The following GPHN variants were observed in gnomAD, a reference collection of about 807,000 sequenced individuals.
GPHN encodes the protein gephyrin.
In GPHN, 17 loss-of-function variants were observed where a neutral mutation model predicts 95.5. The ratio of observed to expected loss-of-function variants is 0.18; its 90% CI spans 0.12 to 0.27. The LOEUF is 0.27. Among genes scored for constraint, GPHN ranks in the 10% least tolerant of loss-of-function variants. The probability of loss-of-function intolerance (pLI) is 1.00; values close to 1 mark genes in which losing one functional copy is unlikely to be tolerated. For synonymous variants in GPHN, 320 were observed against 322.5 expected (o/e 0.99, Z 0.08); for missense variants, 660 against 978.1 (o/e 0.67, Z 4.34).
chr14:67,377,026 C>G, the GPHN span, among the ~76,000 whole-genome samples: 2 of 152,200 alleles, frequency 1.3e-5, no homozygotes, highest in African/African-American at 4.8e-5. Context: ...TCTTTTGCCC[C>G]TGCCTCCTAT....
At chr14:67,281,939 G>A in the GPHN span, among the ~76,000 whole-genome samples, 19 of 151,968 alleles carry the variant, frequency 1.3e-4, no homozygotes, top group Admixed American at 6.6e-5. Context: ...CCTATGTGTG[G>A]TCCTTGAATT....
rs371629259 is a variant in GPHN, at chr14:66,723,986, T to TACACAC, written c.143+42831_143+42836dup. Among the ~76,000 whole-genome samples the TACACAC allele has an allele frequency of 2.9e-3, 369 of 127,940 alleles. 1 individual carries two copies. The highest frequency in any genetic ancestry group is 9.8e-3 in the South Asian group (42 of 4,288). 83.9% of individuals were successfully genotyped at this position (127,940 alleles called of 152,430 possible). A position where few individuals can be genotyped will look rare whatever the true frequency, so the allele number is the denominator to read the frequency against. ...ATCACAAATCTATGTCATGCATACA[T>TACACAC]ACACACACACACACACACACACACA... On this transcript the variant is annotated intron_variant, in intron 2 of 22. Coordinates refer to ENST00000478722, the MANE Select transcript of GPHN (RefSeq NM_020806.5).
At chr14:66,988,609 C>G (rs867295101) in intron 9 of GPHN, among the ~76,000 whole-genome samples, 1 of 151,990 alleles carries the variant, frequency 6.6e-6, no homozygotes, top group African/African-American at 2.4e-5. Context: ...AACACCTTCA[C>G]GTAGCATCTT....
the GPHN span, among the ~76,000 whole-genome samples, chr14:67,680,193 G>C: frequency 2.0e-5 from 3 of 152,134 alleles, no homozygotes; most frequent in Non-Finnish European, 4.4e-5. Context: ...TCAAAATATC[G>C]TCACGTTTAC....
chr14:66,642,509 T>C (rs1463698422), intron 1 of GPHN, among the ~76,000 whole-genome samples: 10 of 151,792 alleles, frequency 6.6e-5, no homozygotes, highest in Non-Finnish European at 1.2e-4. Context: ...AAGTAGAATC[T>C]TTACTGAGCC....
At chr14:67,346,564 C>T in the GPHN span, among the ~76,000 whole-genome samples, 9 of 152,240 alleles carry the variant, frequency 5.9e-5, no homozygotes, top group Non-Finnish European at 1.2e-4. Context: ...ATCCACCTGC[C>T]TCAGCCTCCC....
At chr14:67,115,975 T>C (rs1003998277) in intron 16 of GPHN, among the ~76,000 whole-genome samples, 3 of 152,224 alleles carry the variant, frequency 2.0e-5, no homozygotes, top group African/African-American at 7.2e-5. Flanking sequence ...AGCTGATTTC[T>C]GTATTCGTTG....
the GPHN span, chr14:67,320,208 G>A: frequency 1.9e-6 from 3 of 1,599,116 alleles, no homozygotes; most frequent in South Asian, 2.3e-5. Flanking sequence ...TGTTTGAAGA[G>A]CTTAACTTTT....
At chr14:67,508,082 G>C in the GPHN span, among the ~76,000 whole-genome samples, 1 of 148,958 alleles carries the variant, frequency 6.7e-6, no homozygotes, top group East Asian at 2.0e-4. Flanking sequence ...AGTTTGCTGT[G>C]AGCCGAAGTC....
chr14:67,645,711 C>G, the GPHN span: 1 of 1,613,948 alleles, frequency 6.2e-7, no homozygotes, highest in East Asian at 2.2e-5. Flanking sequence ...TGGGTTGATG[C>G]CCATGCTGAC....
the GPHN span, chr14:67,614,845 G>GTTTTTTTTTTTTTTTTTTTT: frequency 6.8e-6 from 1 of 146,058 alleles, no homozygotes; most frequent in African/African-American, 2.5e-5. Flanking sequence ...TGTCCTTGAG[G>GTTTTTTTTTTTTTTTTTTTT]TTTTTTTTTT....
At chr14:67,555,314 C>T in the GPHN span, among the ~76,000 whole-genome samples, 1 of 152,192 alleles carries the variant, frequency 6.6e-6, no homozygotes, top group African/African-American at 2.4e-5. Flanking sequence ...GCCCTGAAGC[C>T]CTTACAGGCA....
intron 8 of GPHN, among the ~76,000 whole-genome samples, chr14:66,940,015 G>A (rs760117231): frequency 6.6e-6 from 1 of 152,146 alleles, no homozygotes; most frequent in Non-Finnish European, 1.5e-5. Context: ...ACAGGGAGAA[G>A]GGGGACCAAA....
chr14:66,554,729 G>A (rs572008576), intron 1 of GPHN, among the ~76,000 whole-genome samples: 7 of 152,162 alleles, frequency 4.6e-5, no homozygotes, highest in Admixed American at 6.5e-5. Flanking sequence ...ATATAGTCAG[G>A]GAATCATAGA....
chr14:66,546,555 C>G (rs140189779), intron 1 of GPHN, among the ~76,000 whole-genome samples: 9 of 152,284 alleles, frequency 5.9e-5, no homozygotes, highest in Non-Finnish European at 2.9e-5. Flanking sequence ...GGATCACTCA[C>G]GGTTAGGAGC....
intron 17 of GPHN, among the ~76,000 whole-genome samples, chr14:67,131,263 T>C (rs1167673891): frequency 6.6e-6 from 1 of 152,118 alleles, no homozygotes; most frequent in Non-Finnish European, 1.5e-5. Context: ...TGTTGTCTTG[T>C]ATGGCTTAAA....
intron 10 of GPHN, among the ~76,000 whole-genome samples, chr14:67,044,771 C>A (rs61989646): frequency 1.3e-5 from 2 of 151,670 alleles, no homozygotes; most frequent in African/African-American, 4.9e-5. Context: ...GTCTCCCTCT[C>A]TCTGTCTCTC....
the GPHN span, among the ~76,000 whole-genome samples, chr14:67,284,547 TAAAAAAAAAAAAAAAAAAAAAAA>T: frequency 1.1e-3 from 26 of 23,310 alleles, no homozygotes; most frequent in East Asian, 0.014. Flanking sequence ...GCTGCAGTGC[TAAAAAAAAAAAAAAAAAAAAAAA>T]AAAAAAAAAA....
At chr14:67,636,282 CA>C in the GPHN span, among the ~76,000 whole-genome samples, 2 of 151,036 alleles carry the variant, frequency 1.3e-5, no homozygotes, top group Admixed American at 6.6e-5. Flanking sequence ...ACCCAAAAAA[CA>C]AAAAAACAAA....
Sources: gnomAD v4.1 joint callset for allele counts (sites outside exome capture counted in the v4.1 genomes callset) on GRCh38, gnomAD v4.1.1 for gene constraint, MANE v1.5 for transcripts, NCBI Gene and HGNC (gene_info 2026-07-23, HGNC 2026-07-21) for gene names.